SBSPON: variants seen among roughly 807,000 people sequenced by gnomAD.
The protein encoded by SBSPON is somatomedin B and thrombospondin type 1 domain containing.
SBSPON carries 30 observed loss-of-function variants against 35.8 expected under a neutral mutation model. That is an observed-to-expected ratio of 0.84 (90% CI 0.63 to 1.14). The LOEUF is 1.14. Among genes scored for constraint, SBSPON ranks in the 50% most tolerant of loss-of-function variants. SBSPON has a pLI of 0.00. For missense variants in SBSPON, 364 were observed against 357.7 expected, an observed-to-expected ratio of 1.02 and a Z score of -0.14; for synonymous variants, 136 against 135.9, an observed-to-expected ratio of 1.00 and a Z score of 0.00.
chr8:73,076,750 G>A (rs1474279009), intron 2 of SBSPON, among the ~76,000 whole-genome samples: 1 of 151,972 alleles, frequency 6.6e-6, no homozygotes, highest in Non-Finnish European at 1.5e-5. Context: ...AGGAAAGGAT[G>A]TGGGCAGCCT....
chr8:73,078,314 A>T (rs1397307732), intron 2 of SBSPON, among the ~76,000 whole-genome samples: 1 of 152,146 alleles, frequency 6.6e-6, no homozygotes, highest in Non-Finnish European at 1.5e-5. Flanking sequence ...TCACCAAGAC[A>T]TCTCCAGCAG....
chr8:73,082,836 A>G (rs1361700281), intron 1 of SBSPON, among the ~76,000 whole-genome samples: 1 of 152,160 alleles, frequency 6.6e-6, no homozygotes, highest in African/African-American at 2.4e-5. Flanking sequence ...TCATTATTTC[A>G]ATGCCTCTTT....
At position 73,067,549 on chromosome 8, in the gene SBSPON, C is replaced by G. The variant is rs1014558070; in HGVS notation, c.678-91G>C. 4.4e-6 allele frequency: 3 copies of G among 677,960 alleles called. No homozygotes were observed. In the Admixed American group the frequency reaches 6.0e-5, roughly 14 times the overall value. The allele number at this position is 677,960 out of a possible 1,614,324, so 42.0% of individuals were successfully genotyped here. A position where few individuals can be genotyped will look rare whatever the true frequency, so the allele number is the denominator to read the frequency against. On this transcript the variant is annotated intron_variant, in intron 4 of 4. Coordinates refer to ENST00000297354, the MANE Select transcript of SBSPON (RefSeq NM_153225.4). ...AATTAAAACTCGGAGTTAAAAAAAA[C>G]TGATCACAGCCTGAGCAATATAGTG... is the stretch of plus-strand genomic sequence containing the variant.
intron 1 of SBSPON, among the ~76,000 whole-genome samples, chr8:73,081,954 G>C (rs1247953947): frequency 6.6e-6 from 1 of 152,150 alleles, no homozygotes; most frequent in Non-Finnish European, 1.5e-5. Flanking sequence ...TGTGCTGTTG[G>C]TCTATGCTTT....
Position 73,081,231 on chromosome 8 carries a change from A to G in SBSPON, c.215-18T>C. On this transcript the variant is annotated intron_variant, in intron 1 of 4. Transcript: ENST00000297354. Reference sequence around the variant, plus strand: ...CGGGCGAGCTGAAAAACAGCACAATAGGACGCTCACCTGAGTAAATCCCGC... The same window carrying G: ...CGGGCGAGCTGAAAAACAGCACAATGGGACGCTCACCTGAGTAAATCCCGC... 6.4e-7 allele frequency: 1 copy of G among 1,554,420 alleles called. No individual in the cohort carries two copies. Among genetic ancestry groups the G allele is most frequent in the Non-Finnish European group, 8.7e-7 (1 of 1,145,882 alleles).
At chr8:73,090,762 G>A (rs1160123088) in intron 1 of SBSPON, among the ~76,000 whole-genome samples, 4 of 152,072 alleles carry the variant, frequency 2.6e-5, no homozygotes, top group Non-Finnish European at 5.9e-5. Flanking sequence ...AATTCAATCT[G>A]ACACCATCTC....
rs1486415702 is a variant in SBSPON at position 73,066,499 on chromosome 8, A to T, written c.*842T>A. On this transcript the variant is annotated 3_prime_UTR_variant, in exon 5 of 5. Coordinates refer to ENST00000297354, the MANE Select transcript of SBSPON (RefSeq NM_153225.4). The stretch of plus-strand genomic sequence containing the variant: ...TAGAAAATGCATGCGGTAGGAAAAA[A>T]ATAGTGAGCTTACATCAACTAAACT... The T allele has an allele frequency of 4.6e-5, 7 of 152,194 alleles. No individual in the cohort carries two copies. 9.4% of individuals were successfully genotyped at this position (152,194 alleles called of 1,614,324 possible).
chr8:73,069,307 CAG>C (rs986203118), intron 4 of SBSPON, among the ~76,000 whole-genome samples: 16 of 151,610 alleles, frequency 1.1e-4, no homozygotes, highest in African/African-American at 3.9e-4. Flanking sequence ...CTTCTGGAGA[CAG>C]AGTCTGGCTC....
intron 2 of SBSPON, among the ~76,000 whole-genome samples, chr8:73,075,493 A>G (rs1425071976): frequency 6.6e-6 from 1 of 152,350 alleles, no homozygotes; most frequent in Non-Finnish European, 1.5e-5. Flanking sequence ...AAAGGCCCCC[A>G]ATAAATCTAA....
Position 73,067,466 on chromosome 8 carries a change from G to C in SBSPON, c.678-8C>G, listed in dbSNP as rs755983559. ...CAATGGAGAGTCTGATTTCTGAAAC[G>C]ATATTTCGAAAGTGTTAGTTACACT... On this transcript the variant is annotated splice_polypyrimidine_tract_variant and splice_region_variant and intron_variant, in intron 4 of 4. Coordinates refer to ENST00000297354, the MANE Select transcript of SBSPON (RefSeq NM_153225.4). 6.6e-7 allele frequency: 1 copy of C among 1,522,344 alleles called. No individual in the cohort carries two copies. Among genetic ancestry groups the C allele is most frequent in the Non-Finnish European group, 9.1e-7 (1 of 1,098,472 alleles). 94.3% of individuals were successfully genotyped at this position (1,522,344 alleles called of 1,614,324 possible). A position where few individuals can be genotyped will look rare whatever the true frequency, so the allele number is the denominator to read the frequency against.
chr8:73,074,343 G>C (rs937261389), intron 2 of SBSPON, among the ~76,000 whole-genome samples: 1 of 152,128 alleles, frequency 6.6e-6, no homozygotes. Flanking sequence ...CTTGGAAAAG[G>C]TTCTATAATA....
chr8:73,079,720 G>A (rs1431037573), intron 2 of SBSPON, among the ~76,000 whole-genome samples: 1 of 152,090 alleles, frequency 6.6e-6, no homozygotes, highest in African/African-American at 2.4e-5. Flanking sequence ...TCACTCGTTT[G>A]CTACCAGCTG....
intron 1 of SBSPON, among the ~76,000 whole-genome samples, chr8:73,089,414 G>A (rs1810892090): frequency 6.6e-6 from 1 of 152,072 alleles, no homozygotes; most frequent in Non-Finnish European, 1.5e-5. Flanking sequence ...AAATTAGCCG[G>A]GCATGGTGGC....
intron 1 of SBSPON, chr8:73,083,690 A>G (rs916349827): frequency 2.0e-5 from 3 of 152,206 alleles, no homozygotes; most frequent in East Asian, 3.8e-4. Context: ...TCTTTTTACA[A>G]TCTGACCTTC....
rs145422398 is a variant in SBSPON at position 73,066,027 on chromosome 8, C to T, written c.*1314G>A. 1.8e-4 allele frequency: 27 copies of T among 152,026 alleles called. No homozygotes were observed. Among genetic ancestry groups the T allele is most frequent in the African/African-American group, 6.3e-4 (26 of 41,458 alleles). 9.4% of individuals were successfully genotyped at this position (152,026 alleles called of 1,614,324 possible). A position where few individuals can be genotyped will look rare whatever the true frequency, so the allele number is the denominator to read the frequency against. On this transcript the variant is annotated 3_prime_UTR_variant, in exon 5 of 5. Transcript: ENST00000297354. ...CGGTGTTATTAATTATTGGGGAAAT[C>T]TCCATCCTTATTGCTGTTGTGAATC... is the stretch of plus-strand genomic sequence containing the variant.
At chr8:73,087,375 A>G (rs1810852486) in intron 1 of SBSPON, among the ~76,000 whole-genome samples, 1 of 152,156 alleles carries the variant, frequency 6.6e-6, no homozygotes, top group Admixed American at 6.5e-5. Context: ...AAGTAAGTTA[A>G]TAACTGTGAA....
chr8:73,090,265 C>G (rs1466042384), intron 1 of SBSPON, among the ~76,000 whole-genome samples: 2 of 152,204 alleles, frequency 1.3e-5, no homozygotes, highest in Non-Finnish European at 2.9e-5. Context: ...AGGGTAAAGG[C>G]TGAACCCAGG....
intron 1 of SBSPON, among the ~76,000 whole-genome samples, chr8:73,090,080 G>T (rs1810903145): frequency 6.6e-6 from 1 of 152,222 alleles, no homozygotes; most frequent in South Asian, 2.1e-4. Context: ...GTTTCGCCAT[G>T]TTGGCCAGGC....
At chr8:73,071,679 G>A in intron 3 of SBSPON, 101 bp downstream of exon 3, 1 of 692,576 alleles carries the variant, frequency 1.4e-6, no homozygotes, top group Non-Finnish European at 2.4e-6. Context: ...CAAAGAGCAA[G>A]TAGAAAGAAG....
Sources: gnomAD v4.1 joint callset for allele counts (sites outside exome capture counted in the v4.1 genomes callset) on GRCh38, gnomAD v4.1.1 for gene constraint, MANE v1.5 for transcripts, NCBI Gene and HGNC (gene_info 2026-07-23, HGNC 2026-07-21) for gene names.